The following SOX5 variants were observed in gnomAD, a reference collection of about 807,000 sequenced individuals.
SOX5 encodes the protein transcription factor SOX-5.
A neutral mutation model predicts 92.0 loss-of-function variants in SOX5; 9 were observed. The observed-to-expected ratio is 0.10, with a 90% CI of 0.06 to 0.17. The LOEUF is 0.17. Ranked by LOEUF, SOX5 falls within the 10% of genes least tolerant of loss-of-function variation. The pLI is 1.00. For synonymous variants in SOX5, 344 were observed against 336.3 expected (o/e 1.02, Z -0.25); for missense variants, 642 against 944.5 (o/e 0.68, Z 4.20).
At chr12:23,707,646 A>G (rs2091566424) in intron 6 of SOX5, among the ~76,000 whole-genome samples, 1 of 152,012 alleles carries the variant, frequency 6.6e-6, no homozygotes, top group Non-Finnish European at 1.5e-5. Context: ...TTAGTTTTGG[A>G]CTTCTTTTAT....
intron 1 of SOX5, among the ~76,000 whole-genome samples, chr12:24,491,710 T>A (rs1347972966): frequency 6.6e-6 from 1 of 152,138 alleles, no homozygotes; most frequent in South Asian, 2.1e-4. Flanking sequence ...ACATTTGAAA[T>A]CCAAGACTAT....
intron 4 of SOX5, among the ~76,000 whole-genome samples, chr12:23,750,967 T>C (rs570510968): frequency 6.6e-6 from 1 of 151,938 alleles, no homozygotes; most frequent in African/African-American, 2.4e-5. Flanking sequence ...TTTGCTTTTA[T>C]AGACATTGTC....
intron 4 of SOX5, among the ~76,000 whole-genome samples, chr12:24,056,987 A>AAAAAAAAAAAAAAAAG (rs1958191257): frequency 6.9e-6 from 1 of 145,040 alleles, no homozygotes; most frequent in Non-Finnish European, 1.5e-5. Flanking sequence ...AAAAAAAAAA[A>AAAAAAAAAAAAAAAAG]AAAAAATTCA....
chr12:24,538,932 C>T (rs536040705), intron 1 of SOX5, among the ~76,000 whole-genome samples: 74 of 152,198 alleles, frequency 4.9e-4, no homozygotes, highest in African/African-American at 1.6e-3. Context: ...ACAATTATCA[C>T]ATCACAAATG....
intron 3 of SOX5, among the ~76,000 whole-genome samples, chr12:24,260,387 C>T (rs920916378): frequency 5.3e-5 from 8 of 152,216 alleles, no homozygotes; most frequent in Admixed American, 2.0e-4. Context: ...AGGATTGTTA[C>T]GATGACTTAA....
At chr12:23,695,221 C>A (rs2089607975) in intron 6 of SOX5, among the ~76,000 whole-genome samples, 1 of 152,042 alleles carries the variant, frequency 6.6e-6, no homozygotes, top group Non-Finnish European at 1.5e-5. Flanking sequence ...CAAAACCACA[C>A]TGTACTGATT....
intron 1 of SOX5, among the ~76,000 whole-genome samples, chr12:24,454,663 T>C (rs1430556133): frequency 6.6e-6 from 1 of 152,238 alleles, no homozygotes; most frequent in Non-Finnish European, 1.5e-5. Context: ...AATTTCTTCT[T>C]CAATGCACTG....
At chr12:24,332,644 G>A (rs1384127202) in intron 2 of SOX5, among the ~76,000 whole-genome samples, 3 of 152,230 alleles carry the variant, frequency 2.0e-5, no homozygotes, top group Middle Eastern at 6.8e-3. Flanking sequence ...AAGGCAGAAA[G>A]TATACAGGGA....
intron 3 of SOX5, among the ~76,000 whole-genome samples, chr12:24,229,132 C>G (rs542173182): frequency 6.6e-6 from 1 of 152,204 alleles, no homozygotes; most frequent in African/African-American, 2.4e-5. Flanking sequence ...GGATGGCACA[C>G]GTTTTGTACA....
At chr12:23,567,464 A>ATG (rs368681283) in intron 10 of SOX5, among the ~76,000 whole-genome samples, 2 of 119,154 alleles carry the variant, frequency 1.7e-5, no homozygotes, top group Non-Finnish European at 3.3e-5. Flanking sequence ...ATTTGATTTG[A>ATG]TTTTTTTTTT....
chr12:23,625,536 A>G (rs2077658814), intron 8 of SOX5, among the ~76,000 whole-genome samples: 1 of 152,198 alleles, frequency 6.6e-6, no homozygotes. Context: ...TGAAATCCCC[A>G]ATTCCAGCTC....
chr12:24,089,631 C>A (rs143204178), intron 4 of SOX5, among the ~76,000 whole-genome samples: 6 of 151,874 alleles, frequency 4.0e-5, no homozygotes, highest in Admixed American at 3.3e-4. Flanking sequence ...ACAGAAGTAC[C>A]CTCTAGGTGA....
At chr12:23,739,397 A>G (rs181732047) in intron 5 of SOX5, among the ~76,000 whole-genome samples, 519 of 152,314 alleles carry the variant, frequency 3.4e-3, no homozygotes, top group Non-Finnish European at 5.7e-3. Context: ...CTACTAAAAC[A>G]CCATAGAAGC....
chr12:24,447,857 G>T, intron 1 of SOX5, among the ~76,000 whole-genome samples: 1 of 152,156 alleles, frequency 6.6e-6, no homozygotes, highest in African/African-American at 2.4e-5. Context: ...AACCCAAGGT[G>T]CCATGCTTGG....
chr12:24,152,589 A>G (rs1046857092), intron 4 of SOX5, among the ~76,000 whole-genome samples: 1 of 152,190 alleles, frequency 6.6e-6, no homozygotes, highest in Admixed American at 6.5e-5. Flanking sequence ...AGTGTTTCAG[A>G]AAAAAAGCTA....
At position 24,396,733 on chromosome 12, in the gene SOX5, G is replaced by A. The variant is rs949469854; in HGVS notation, c.-250-28094C>T. On this transcript the variant is annotated intron_variant, in intron 1 of 4. Transcript: ENST00000446891. ...CCCAAAATGGATGTGTTAAAAAAGC[G>A]TTAACTATGTGTGTAGAGTAGGCCT... 5.9e-5 allele frequency among the ~76,000 whole-genome samples: 9 copies of A among 152,342 alleles called. No individual in the cohort carries two copies. The South Asian group carries it at 6.2e-4, about 11-fold the overall frequency.
At chr12:24,020,827 G>A (rs143813037) in intron 4 of SOX5, among the ~76,000 whole-genome samples, 18 of 152,232 alleles carry the variant, frequency 1.2e-4, no homozygotes, top group African/African-American at 3.9e-4. Context: ...CCTGAGAGAC[G>A]GCACAGTCAT....
chr12:23,589,994 G>A (rs1951298429), intron 9 of SOX5, among the ~76,000 whole-genome samples: 1 of 150,228 alleles, frequency 6.7e-6, no homozygotes, highest in South Asian at 2.1e-4. Flanking sequence ...CAAGGAGTAT[G>A]TGTTTGTGCA....
At chr12:23,662,060 A>G (rs2083129773) in intron 7 of SOX5, among the ~76,000 whole-genome samples, 1 of 152,132 alleles carries the variant, frequency 6.6e-6, no homozygotes, top group Admixed American at 6.6e-5. Context: ...TTGTCTCTGA[A>G]TGAAGCTGAC....
Sources: gnomAD v4.1 joint callset for allele counts (sites outside exome capture counted in the v4.1 genomes callset) on GRCh38, gnomAD v4.1.1 for gene constraint, MANE v1.5 for transcripts, NCBI Gene and HGNC (gene_info 2026-07-23, HGNC 2026-07-21) for gene names.